CREB5: variants seen among roughly 807,000 people sequenced by gnomAD.
CREB5 encodes the protein cyclic AMP-responsive element-binding protein 5.
CREB5 carries 19 observed loss-of-function variants against 57.1 expected under a neutral mutation model. The observed-to-expected ratio is 0.33, with a 90% confidence interval of 0.23 to 0.49. CREB5 has a LOEUF of 0.49. Ranked by LOEUF, CREB5 falls within the 20% of genes least tolerant of loss-of-function variation. CREB5 has a pLI of 0.99. For synonymous variants in CREB5, 238 were observed against 238.3 expected (o/e 1.00, Z 0.01); for missense variants, 579 against 671.6 (o/e 0.86, Z 1.52).
intron 5 of CREB5, among the ~76,000 whole-genome samples, chr7:28,605,995 A>G (rs1797117249): frequency 6.6e-6 from 1 of 152,176 alleles, no homozygotes; most frequent in African/African-American, 2.4e-5. Context: ...TGAACACTTG[A>G]CGTGGATAAA....
intron 5 of CREB5, among the ~76,000 whole-genome samples, chr7:28,629,482 T>C (rs961633661): frequency 1.3e-5 from 2 of 152,232 alleles, no homozygotes; most frequent in Non-Finnish European, 2.9e-5. Context: ...AACTCTGTAT[T>C]CACTGTTGAG....
intron 1 of CREB5, among the ~76,000 whole-genome samples, chr7:28,324,598 C>T (rs957593805): frequency 6.6e-6 from 1 of 152,114 alleles, no homozygotes; most frequent in South Asian, 2.1e-4. Flanking sequence ...TTTTGGAGCA[C>T]GTTCCTGAGC....
intron 4 of CREB5, among the ~76,000 whole-genome samples, chr7:28,518,089 T>G (rs1238763506): frequency 6.6e-6 from 1 of 152,186 alleles, no homozygotes. Flanking sequence ...TTCCCAGTCC[T>G]CTCTGTAAAA....
Position 28,825,616 on chromosome 7 carries a change from A to G in CREB5, c.*6337A>G, listed in dbSNP as rs1810017154. On this transcript the variant is annotated 3_prime_UTR_variant, in exon 11 of 11. Coordinates refer to ENST00000357727, the MANE Select transcript of CREB5 (RefSeq NM_182898.4). ...GCAAAGCATTTGTGTTTGTTTGTCTATTTGTAAAGCAACCACCTTCCTTAT... is the reference window on the plus strand; with the variant it reads ...GCAAAGCATTTGTGTTTGTTTGTCTGTTTGTAAAGCAACCACCTTCCTTAT... 6.6e-6 allele frequency: 1 copy of G among 152,584 alleles called. No homozygotes were observed. The highest frequency in any genetic ancestry group is 1.5e-5 in the Non-Finnish European group (1 of 68,018). The allele number at this position is 152,584 out of a possible 1,614,324, so 9.5% of individuals were successfully genotyped here. A position where few individuals can be genotyped will look rare whatever the true frequency, so the allele number is the denominator to read the frequency against.
At chr7:28,492,843 T>C (rs1395768632) in intron 2 of CREB5, among the ~76,000 whole-genome samples, 2 of 151,736 alleles carry the variant, frequency 1.3e-5, no homozygotes, top group Non-Finnish European at 2.9e-5. Flanking sequence ...ACGGAAAGAC[T>C]AGGCAACTCA....
chr7:28,530,963 G>T (rs545724065), intron 4 of CREB5, among the ~76,000 whole-genome samples: 1 of 152,252 alleles, frequency 6.6e-6, no homozygotes, highest in Admixed American at 6.5e-5. Context: ...CCATTTTCTT[G>T]GGTGAGATCA....
At chr7:28,640,238 G>A (rs986325681) in intron 5 of CREB5, among the ~76,000 whole-genome samples, 13 of 152,110 alleles carry the variant, frequency 8.5e-5, no homozygotes, top group South Asian at 2.1e-4. Flanking sequence ...TAAAAATGTC[G>A]TGATGGAGCA....
At chr7:28,403,793 T>C (rs1787524391) in intron 1 of CREB5, among the ~76,000 whole-genome samples, 1 of 152,186 alleles carries the variant, frequency 6.6e-6, no homozygotes, top group Middle Eastern at 3.2e-3. Context: ...AAGGGAAAAG[T>C]GCCACCGAAG....
intron 4 of CREB5, among the ~76,000 whole-genome samples, chr7:28,544,680 C>T (rs901945742): frequency 6.6e-6 from 1 of 152,114 alleles, no homozygotes; most frequent in Admixed American, 6.5e-5. Flanking sequence ...GGATAATGCC[C>T]AGGCTCGCCT....
At chr7:28,709,901 C>T (rs1776764685) in intron 5 of CREB5, among the ~76,000 whole-genome samples, 1 of 152,186 alleles carries the variant, frequency 6.6e-6, no homozygotes, top group Admixed American at 6.5e-5. Flanking sequence ...GTTTAGTTGA[C>T]CACAGTGTGG....
chr7:28,592,375 C>T (rs1457449370), intron 5 of CREB5, among the ~76,000 whole-genome samples: 5 of 152,156 alleles, frequency 3.3e-5, no homozygotes, highest in East Asian at 1.9e-4. Context: ...AAAGAGAGAC[C>T]GGTATCTCCA....
At chr7:28,496,709 G>A (rs1256453192) in intron 3 of CREB5, among the ~76,000 whole-genome samples, 1 of 152,016 alleles carries the variant, frequency 6.6e-6, no homozygotes, top group Non-Finnish European at 1.5e-5. Flanking sequence ...GTGCCAATGT[G>A]CTCTGGCTTG....
chr7:28,671,986 T>C (rs1310378858), intron 5 of CREB5, among the ~76,000 whole-genome samples: 1 of 152,192 alleles, frequency 6.6e-6, no homozygotes, highest in Non-Finnish European at 1.5e-5. Context: ...GTTTCAACCA[T>C]GCACTTAATG....
At chr7:28,484,582 A>G (rs1205074655) in intron 1 of CREB5, among the ~76,000 whole-genome samples, 1 of 152,226 alleles carries the variant, frequency 6.6e-6, no homozygotes, top group Non-Finnish European at 1.5e-5. Flanking sequence ...TTATTTTAGC[A>G]ACTGCCATTC....
chr7:28,364,139 T>C (rs554508975), intron 1 of CREB5, among the ~76,000 whole-genome samples: 2 of 152,346 alleles, frequency 1.3e-5, no homozygotes, highest in East Asian at 3.9e-4. Context: ...GTTTTCAGTT[T>C]ATCTCACAAT....
At chr7:28,614,716 T>C (rs1797531075) in intron 5 of CREB5, among the ~76,000 whole-genome samples, 1 of 152,208 alleles carries the variant, frequency 6.6e-6, no homozygotes, top group Non-Finnish European at 1.5e-5. Context: ...ATTTTTTTCT[T>C]ATGGAAAATT....
chr7:28,530,924 C>A (rs914207896), intron 4 of CREB5, among the ~76,000 whole-genome samples: 1 of 152,166 alleles, frequency 6.6e-6, no homozygotes, highest in Non-Finnish European at 1.5e-5. Context: ...TTAGGAAAAA[C>A]CTTGTGGTCG....
At chr7:28,460,524 G>A (rs898901016) in intron 1 of CREB5, among the ~76,000 whole-genome samples, 3 of 152,122 alleles carry the variant, frequency 2.0e-5, no homozygotes, top group African/African-American at 7.2e-5. Context: ...TTTTAACTCC[G>A]GTGTTAGTAT....
chr7:28,799,750 TTC>T (rs1808256555), intron 7 of CREB5, among the ~76,000 whole-genome samples: 1 of 152,210 alleles, frequency 6.6e-6, no homozygotes, highest in African/African-American at 2.4e-5. Context: ...CTGTTTTCTT[TTC>T]TCTGTTACTG....
Sources: gnomAD v4.1 joint callset for allele counts (sites outside exome capture counted in the v4.1 genomes callset) on GRCh38, gnomAD v4.1.1 for gene constraint, MANE v1.5 for transcripts, NCBI Gene and HGNC (gene_info 2026-07-23, HGNC 2026-07-21) for gene names.